The following KCTD8 variants were observed in gnomAD, a reference collection of about 807,000 sequenced individuals.
KCTD8 encodes BTB/POZ domain-containing protein KCTD8.
Under a neutral mutation model 31.5 loss-of-function variants are expected in KCTD8, and 27 were observed. The observed-to-expected ratio is 0.86, with a 90% confidence interval of 0.63 to 1.18. The LOEUF (loss-of-function observed/expected upper bound fraction) is 1.18, where lower values mean the gene tolerates loss of function less well. Among genes scored for constraint, KCTD8 ranks in the 50% most tolerant of loss-of-function variants. The pLI is 0.00. For missense variants in KCTD8, 658 were observed against 647.7 expected (o/e 1.02, Z -0.17); for synonymous variants, 290 against 280.0 (o/e 1.04, Z -0.36).
intron 1 of KCTD8, among the ~76,000 whole-genome samples, chr4:44,206,905 CATT>C (rs1295134454): frequency 6.6e-6 from 1 of 152,120 alleles, no homozygotes; most frequent in African/African-American, 2.4e-5. Context: ...AGTAGTCTTG[CATT>C]ATTATTGTAA....
chr4:44,320,190 AAAAAAAAAAGAG>A (rs1718258088), intron 1 of KCTD8, among the ~76,000 whole-genome samples: 1 of 148,550 alleles, frequency 6.7e-6, no homozygotes, highest in Non-Finnish European at 1.5e-5. Flanking sequence ...AAAAAAAAAA[AAAAAAAAAAGAG>A]AGAGAGAATT....
chr4:44,371,583 C>A (rs1719788033), intron 1 of KCTD8, among the ~76,000 whole-genome samples: 1 of 151,942 alleles, frequency 6.6e-6, no homozygotes, highest in South Asian at 2.1e-4. Context: ...AGGCTATTCC[C>A]AATTAAATAT....
intron 1 of KCTD8, among the ~76,000 whole-genome samples, chr4:44,285,300 GA>G (rs1193455107): frequency 6.6e-6 from 1 of 152,112 alleles, no homozygotes; most frequent in African/African-American, 2.4e-5. Flanking sequence ...CCATAAAACA[GA>G]ATGAGTTCAT....
chr4:44,434,705 C>G (rs770740360), intron 1 of KCTD8, among the ~76,000 whole-genome samples: 1 of 151,854 alleles, frequency 6.6e-6, no homozygotes, highest in Admixed American at 6.6e-5. Context: ...AAAAGCCTAC[C>G]TAACATACCA....
intron 1 of KCTD8, among the ~76,000 whole-genome samples, chr4:44,217,552 T>A (rs1714683608): frequency 6.6e-6 from 1 of 152,156 alleles, no homozygotes; most frequent in Admixed American, 6.5e-5. Context: ...TCCGGGTGTG[T>A]CTGTGAGGGT....
At chr4:44,293,444 A>T (rs1022710221) in intron 1 of KCTD8, 1 of 455,698 alleles carries the variant, frequency 2.2e-6, no homozygotes, top group South Asian at 1.5e-5. Context: ...ATCTTGATTC[A>T]TGCTTGATCT....
intron 1 of KCTD8, among the ~76,000 whole-genome samples, chr4:44,442,221 G>T (rs901754830): frequency 2.6e-5 from 4 of 151,882 alleles, no homozygotes; most frequent in African/African-American, 9.7e-5. Context: ...CTACTTTTAT[G>T]ATTTTAAAGA....
Position 44,197,091 on chromosome 4 carries a change from C to T in KCTD8, c.962-21841G>A, listed in dbSNP as rs145966275. ...GGTCAGGCACAGCTCTGTGTTCCCCCGGAAAACATGCAGATGGCAAACTGT... is the reference window on the plus strand; with the variant it reads ...GGTCAGGCACAGCTCTGTGTTCCCCTGGAAAACATGCAGATGGCAAACTGT... On this transcript the variant is annotated intron_variant, in intron 1 of 1. Coordinates refer to ENST00000360029, the MANE Select transcript of KCTD8 (RefSeq NM_198353.3). 5.2e-3 allele frequency among the ~76,000 whole-genome samples: 797 copies of T among 152,208 alleles called. 6 individuals carry two copies. The highest frequency in any genetic ancestry group is 0.01 in the Admixed American group (158 of 15,298).
intron 1 of KCTD8, among the ~76,000 whole-genome samples, chr4:44,196,123 G>A (rs952758413): frequency 5.9e-5 from 9 of 152,142 alleles, no homozygotes; most frequent in Non-Finnish European, 1.3e-4. Context: ...AATGCAGAAA[G>A]AAAGCAATTA....
At chr4:44,303,943 G>T (rs1341687460) in intron 1 of KCTD8, among the ~76,000 whole-genome samples, 6 of 152,136 alleles carry the variant, frequency 3.9e-5, no homozygotes, top group African/African-American at 1.4e-4. Context: ...TCAGCTGCAA[G>T]ATAAATACAA....
At chr4:44,188,187 T>C (rs952120632) in intron 1 of KCTD8, among the ~76,000 whole-genome samples, 94 of 152,280 alleles carry the variant, frequency 6.2e-4, no homozygotes, top group African/African-American at 2.2e-3. Flanking sequence ...TTCTTGTAGC[T>C]GCCATACTAT....
In KCTD8 at chr4:44,448,303, AAC is replaced by A. The variant is rs747111112; in HGVS notation, c.219_220del (p.Met73IlefsTer5). 1 of 1,606,816 alleles carries A rather than the reference AAC, an allele frequency of 6.2e-7. No individual in the cohort carries two copies. The highest frequency in any genetic ancestry group is 1.1e-5 in the South Asian group (1 of 90,668). ...GCCGCCACGGGGACTAGAGGGCGAG[AAC>A]ATGCTGGCCAAAGTACTGTCCGGGA... On this transcript the variant is annotated frameshift_variant, in exon 1 of 2. Coordinates refer to ENST00000360029, the MANE Select transcript of KCTD8 (RefSeq NM_198353.3). LOFTEE classifies it high-confidence loss of function. The surrounding 1 kb of genome is among the most constrained non-coding windows in gnomAD (Gnocchi z 4.1).
At chr4:44,182,469 C>T (rs545859781) in intron 1 of KCTD8, among the ~76,000 whole-genome samples, 2 of 152,328 alleles carry the variant, frequency 1.3e-5, no homozygotes, top group South Asian at 2.1e-4. Context: ...CTTGGGATTC[C>T]GTTGATCTAT....
intron 1 of KCTD8, among the ~76,000 whole-genome samples, chr4:44,274,837 A>G (rs1332867629): frequency 6.6e-6 from 1 of 151,928 alleles, no homozygotes; most frequent in Non-Finnish European, 1.5e-5. Context: ...ATAAAGCAAA[A>G]AAAAAAATCC....
At chr4:44,335,070 C>T (rs527630751) in intron 1 of KCTD8, among the ~76,000 whole-genome samples, 2 of 151,848 alleles carry the variant, frequency 1.3e-5, no homozygotes, top group Non-Finnish European at 2.9e-5. Context: ...TCTGGCAAAA[C>T]GTTTTTTAAA....
At chr4:44,215,299 G>A (rs1416818052) in intron 1 of KCTD8, among the ~76,000 whole-genome samples, 1 of 151,984 alleles carries the variant, frequency 6.6e-6, no homozygotes, top group Non-Finnish European at 1.5e-5. Context: ...CTGTTGGGCA[G>A]TTACAAAAAT....
intron 1 of KCTD8, among the ~76,000 whole-genome samples, chr4:44,178,311 G>A (rs960581533): frequency 5.9e-5 from 9 of 152,102 alleles, no homozygotes; most frequent in African/African-American, 2.2e-4. Context: ...TACATCCCTA[G>A]AGGTTTTCAG....
At chr4:44,192,207 A>G (rs1713784702) in intron 1 of KCTD8, among the ~76,000 whole-genome samples, 1 of 152,240 alleles carries the variant, frequency 6.6e-6, no homozygotes, top group South Asian at 2.1e-4. Flanking sequence ...AAATTGGAGA[A>G]ATTTGGAGAA....
intron 1 of KCTD8, among the ~76,000 whole-genome samples, chr4:44,245,698 C>T (rs1468436709): frequency 6.6e-6 from 1 of 151,778 alleles, no homozygotes; most frequent in East Asian, 1.9e-4. Context: ...ATTCCAATAA[C>T]CATATGCCAG....
Sources: gnomAD v4.1 joint callset for allele counts (sites outside exome capture counted in the v4.1 genomes callset) on GRCh38, gnomAD v4.1.1 for gene constraint, Gnocchi (gnomAD v3.1) non-coding constraint, MANE v1.5 for transcripts, NCBI Gene and HGNC (gene_info 2026-07-23, HGNC 2026-07-21) for gene names.